The following C10orf88 variants were observed in gnomAD, a reference collection of about 807,000 sequenced individuals.
C10orf88 encodes the protein ATPase PAAT.
A neutral mutation model predicts 34.2 loss-of-function variants in C10orf88; 29 were observed. That is an observed-to-expected ratio of 0.85 (90% CI 0.63 to 1.16). The LOEUF is 1.16. Ranked by LOEUF, C10orf88 falls within the 50% of genes most tolerant of loss-of-function variation. C10orf88 has a pLI of 0.00. For synonymous variants in C10orf88, 194 were observed against 197.4 expected (o/e 0.98, Z 0.15); for missense variants, 507 against 533.2 (o/e 0.95, Z 0.48).
At chr10:122,952,702 G>T in intron 2 of C10orf88, 127 bp downstream of exon 2, 1 of 1,131,322 alleles carries the variant, frequency 8.8e-7, no homozygotes. Context: ...TATGCCTACT[G>T]GCACATTTTT....
chr10:122,937,200 A>G (rs1204222620), intron 5 of C10orf88, among the ~76,000 whole-genome samples: 1 of 152,000 alleles, frequency 6.6e-6, no homozygotes, highest in East Asian at 1.9e-4. Flanking sequence ...TTAATCAAAT[A>G]TGTACTGCCA....
At position 122,948,971 on chromosome 10, in the gene C10orf88, T is replaced by G. The variant is rs182994480; in HGVS notation, c.442-116A>C. The G allele has an allele frequency of 1.6e-4, 152 of 928,222 alleles. No homozygotes were observed. In the African/African-American group the frequency reaches 2.4e-3, roughly 15 times the overall value. 57.5% of individuals were successfully genotyped at this position (928,222 alleles called of 1,614,324 possible). A position where few individuals can be genotyped will look rare whatever the true frequency, so the allele number is the denominator to read the frequency against. ...GTATTCAAGAATCTAAAAATTAACT[T>G]CAAGTATATTTTAAACTTTTCTCTA... On this transcript the variant is annotated intron_variant, in intron 3 of 5. Transcript: ENST00000481909.
chr10:122,932,984 A>C (rs193045542), intron 5 of C10orf88, among the ~76,000 whole-genome samples: 13 of 152,254 alleles, frequency 8.5e-5, no homozygotes, highest in African/African-American at 2.6e-4. Context: ...TTTTCTTCTA[A>C]AGTCAACATG....
At chr10:122,944,096 T>C (rs1848612927) in intron 4 of C10orf88, among the ~76,000 whole-genome samples, 1 of 151,996 alleles carries the variant, frequency 6.6e-6, no homozygotes, top group Non-Finnish European at 1.5e-5. Context: ...TGTGGCATTA[T>C]TCACAATAGC....
chr10:122,946,199 T>C (rs1249866791), intron 4 of C10orf88, among the ~76,000 whole-genome samples: 2 of 152,178 alleles, frequency 1.3e-5, no homozygotes, highest in South Asian at 2.1e-4. Flanking sequence ...GCAGTGTTTA[T>C]AAAGTCTACA....
intron 2 of C10orf88, among the ~76,000 whole-genome samples, chr10:122,952,611 G>A (rs566487504): frequency 6.6e-6 from 1 of 152,238 alleles, no homozygotes; most frequent in East Asian, 1.9e-4. Flanking sequence ...CACCTTGATT[G>A]TTAGTTCTAA....
chr10:122,948,889 T>C (rs777954610), intron 3 of C10orf88, 34 bp from the exon 4 acceptor site: 1 of 1,556,916 alleles, frequency 6.4e-7, no homozygotes, highest in African/African-American at 1.4e-5. Context: ...AAAAGAATGA[T>C]ATTAAAAACA....
intron 3 of C10orf88, 142 bp from the exon 4 acceptor site, chr10:122,948,997 G>T: frequency 1.4e-6 from 1 of 712,626 alleles, no homozygotes; most frequent in Non-Finnish European, 2.2e-6. Context: ...CTTTTCTCTA[G>T]AACAGCAATA....
chr10:122,932,608 A>T lies in C10orf88; in HGVS notation c.1157T>A (p.Met386Lys). ...CATAAGTTTCTTTTCCATCAGTTCC[A>T]TATTTTTAGAAAGAATCTTTTCCAA... Reference protein sequence around the residue: ...SYLEKILSKNMELMEKKLMDY... With the variant: ...SYLEKILSKNKELMEKKLMDY... Residue 386 changes from methionine to lysine, a missense_variant, in exon 6 of 6, where the codon ATG (methionine) becomes AAG (lysine). Coordinates refer to ENST00000481909, the MANE Select transcript of C10orf88 (RefSeq NM_024942.4). The T allele has an allele frequency of 1.2e-6, 2 of 1,613,556 alleles. No individual in the cohort carries two copies. Among genetic ancestry groups the T allele is most frequent in the Non-Finnish European group, 1.7e-6 (2 of 1,179,806 alleles).
intron 4 of C10orf88, among the ~76,000 whole-genome samples, chr10:122,941,487 A>G (rs909720431): frequency 2.0e-5 from 3 of 152,152 alleles, no homozygotes; most frequent in Non-Finnish European, 2.9e-5. Flanking sequence ...CTTTCCCCCA[A>G]GAGAAGTCCT....
At chr10:122,934,249 ATATT>A (rs1438936482) in intron 5 of C10orf88, among the ~76,000 whole-genome samples, 1 of 152,164 alleles carries the variant, frequency 6.6e-6, no homozygotes, top group Non-Finnish European at 1.5e-5. Context: ...ATATGTACAC[ATATT>A]TATTTAAACA....
chr10:122,934,072 T>C (rs1169929580), intron 5 of C10orf88, among the ~76,000 whole-genome samples: 1 of 152,198 alleles, frequency 6.6e-6, no homozygotes, highest in Non-Finnish European at 1.5e-5. Context: ...AGAAACTCTG[T>C]ATTTTGAAAT....
rs1421503977 is a variant in C10orf88, at chr10:122,931,099, G to T, written c.*1328C>A. 6.6e-6 allele frequency: 1 copy of T among 152,210 alleles called. No individual in the cohort carries two copies. The highest frequency in any genetic ancestry group is 1.5e-5 in the Non-Finnish European group (1 of 68,044). The allele number at this position is 152,210 out of a possible 1,614,324, so 9.4% of individuals were successfully genotyped here. Reference sequence around the variant, plus strand: ...ATGGGCAGTGAACTTCCTAAAACCAGAGTGCTGCCTTCCTTTTTGTCCTTT... The same window carrying T: ...ATGGGCAGTGAACTTCCTAAAACCATAGTGCTGCCTTCCTTTTTGTCCTTT... On this transcript the variant is annotated 3_prime_UTR_variant, in exon 6 of 6. Coordinates refer to ENST00000481909, the MANE Select transcript of C10orf88 (RefSeq NM_024942.4).
Position 122,938,082 on chromosome 10 carries a change from G to A in C10orf88, c.726C>T (p.Ser242=). The part of the protein sequence containing the change: ...SGYKHMIGLQ[S]SSTLGTLNKS... ...TGTTTAAGGTTCCTAAGGTAGATGA[G>A]GATTGTAGTCCAATCATATGCTTGT... The change falls in exon 5 of 6, where the codon TCC becomes TCT. Residue 242 remains serine, a synonymous_variant. Coordinates refer to ENST00000481909, the MANE Select transcript of C10orf88 (RefSeq NM_024942.4). The A allele has an allele frequency of 1.2e-6, 2 of 1,613,090 alleles. No homozygotes were observed. The highest frequency in any genetic ancestry group is 8.5e-7 in the Non-Finnish European group (1 of 1,179,314).
Position 122,935,292 on chromosome 10 carries a change from C to T in C10orf88, c.1103+2413G>A, listed in dbSNP as rs186765613. On this transcript the variant is annotated intron_variant, in intron 5 of 5. Coordinates refer to ENST00000481909, the MANE Select transcript of C10orf88 (RefSeq NM_024942.4). ...AAAAGCTTTATAGTTTTATATTTTA[C>T]ATTTTAATCTATAAGTAATTTTGTG... Among the ~76,000 whole-genome samples, 87 of 152,110 alleles carry T rather than the reference C, an allele frequency of 5.7e-4. 1 individual carries two copies. In the East Asian group the frequency reaches 0.017, roughly 29 times the overall value.
At chr10:122,946,542 C>T in intron 4 of C10orf88, among the ~76,000 whole-genome samples, 1 of 152,074 alleles carries the variant, frequency 6.6e-6, no homozygotes, top group Non-Finnish European at 1.5e-5. Flanking sequence ...AACATATCCC[C>T]ACTGTGAATT....
Position 122,954,082 on chromosome 10 carries a change from G to C in C10orf88, c.97C>G (p.Leu33Val). 1 of 1,569,622 alleles carries C rather than the reference G, an allele frequency of 6.4e-7. No homozygotes were observed. ...AGGALTHSLL[L>V]TRAGLGPGDF... is the part of the protein sequence containing the mutation. ...CCGGGGCCGAGACCGGCCCGGGTGA[G>C]GAGGAGGCTGTGGGTCAGGGCCCCG... The change falls in exon 1 of 6, where the codon CTC becomes GTC. Residue 33 changes from leucine to valine, a missense_variant. By Grantham distance (32) the Leu-to-Val change is conservative. Coordinates refer to ENST00000481909, the MANE Select transcript of C10orf88 (RefSeq NM_024942.4).
intron 2 of C10orf88, among the ~76,000 whole-genome samples, chr10:122,952,239 A>G (rs1473267294): frequency 1.3e-5 from 2 of 152,198 alleles, no homozygotes; most frequent in Non-Finnish European, 2.9e-5. Flanking sequence ...ATTATATAAC[A>G]TATGTACAAC....
At chr10:122,935,732 A>G (rs1435441490) in intron 5 of C10orf88, among the ~76,000 whole-genome samples, 14 of 151,834 alleles carry the variant, frequency 9.2e-5, no homozygotes, top group Non-Finnish European at 1.9e-4. Flanking sequence ...CGTTTTTACT[A>G]TGCTGTGTCT....
Sources: allele counts gnomAD v4.1 joint callset (sites outside exome capture counted in the v4.1 genomes callset), GRCh38; gene constraint gnomAD v4.1.1; transcripts MANE v1.5; gene names NCBI Gene and HGNC (gene_info 2026-07-23, HGNC 2026-07-21).